The following NUDCD3 variants were observed in gnomAD, a reference collection of about 807,000 sequenced individuals.
The protein encoded by NUDCD3 is nudC domain-containing protein 3.
Under a neutral mutation model 39.7 loss-of-function variants are expected in NUDCD3, and 13 were observed. That is an observed-to-expected ratio of 0.33 (90% CI 0.21 to 0.52). The LOEUF is 0.52. Among genes scored for constraint, NUDCD3 ranks in the 20% least tolerant of loss-of-function variants. The pLI is 0.96. For missense variants in NUDCD3, 453 were observed against 458.1 expected, an observed-to-expected ratio of 0.99 and a Z score of 0.10; for synonymous variants, 175 against 172.4, an observed-to-expected ratio of 1.02 and a Z score of -0.12.
At chr7:44,404,614 C>T (rs1451951107) in intron 3 of NUDCD3, 31 bp from the exon 4 acceptor site, 1 of 1,608,904 alleles carries the variant, frequency 6.2e-7, no homozygotes, top group African/African-American at 1.3e-5. Context: ...AATCATCTCT[C>T]CTATCAGGGT....
At chr7:44,426,300 G>C (rs983937724) in intron 3 of NUDCD3, 4 of 270,544 alleles carry the variant, frequency 1.5e-5, no homozygotes, top group African/African-American at 6.9e-5. Context: ...GAGAATGGTT[G>C]GTATCAGTGC....
intron 2 of NUDCD3, among the ~76,000 whole-genome samples, chr7:44,457,851 G>A (rs900465615): frequency 6.6e-6 from 1 of 152,200 alleles, no homozygotes; most frequent in African/African-American, 2.4e-5. Flanking sequence ...TTTTGGCAAG[G>A]ATGTGAAGGA....
At chr7:44,435,484 A>G (rs1799447471) in intron 2 of NUDCD3, among the ~76,000 whole-genome samples, 1 of 152,248 alleles carries the variant, frequency 6.6e-6, no homozygotes. Flanking sequence ...TGAAAAATCC[A>G]TGAGTTCATA....
chr7:44,388,975 C>T (rs1344393927), intron 5 of NUDCD3, among the ~76,000 whole-genome samples: 1 of 152,246 alleles, frequency 6.6e-6, no homozygotes, highest in Non-Finnish European at 1.5e-5. Context: ...GCCCAGTCTA[C>T]GGGCTCCCCC....
At chr7:44,394,021 C>A (rs1798572166) in intron 4 of NUDCD3, among the ~76,000 whole-genome samples, 1 of 152,232 alleles carries the variant, frequency 6.6e-6, no homozygotes, top group South Asian at 2.1e-4. Context: ...AAAGAAGGTA[C>A]TCAGCACCAG....
rs539329316 is a variant in NUDCD3, at chr7:44,380,921, G to A, written c.*5090C>T. 1 of 152,420 alleles carries A rather than the reference G, an allele frequency of 6.6e-6. No homozygotes were observed. The highest frequency in any genetic ancestry group is 2.4e-5 in the African/African-American group (1 of 41,590). The allele number at this position is 152,420 out of a possible 1,614,324, so 9.4% of individuals were successfully genotyped here. ...GTCTTGCACAAAGTGCACACTGGGA[G>A]GCAAGAGCCTGTCTCTGCAGTAAGA... On this transcript the variant is annotated 3_prime_UTR_variant, in exon 6 of 6. Transcript: ENST00000355451.
intron 2 of NUDCD3, chr7:44,467,831 A>T: frequency 1.0e-6 from 1 of 970,188 alleles, no homozygotes; most frequent in Non-Finnish European, 1.4e-6. Flanking sequence ...AAAAAAAAAA[A>T]GAAAAGAAAA....
chr7:44,431,593 AT>A (rs1389172319), intron 2 of NUDCD3, among the ~76,000 whole-genome samples: 1 of 151,358 alleles, frequency 6.6e-6, no homozygotes, highest in Admixed American at 6.6e-5. Flanking sequence ...CCTGAGACTC[AT>A]GGTCAGGAAA....
At chr7:44,476,319 G>T (rs1449602571) in intron 2 of NUDCD3, among the ~76,000 whole-genome samples, 2 of 152,188 alleles carry the variant, frequency 1.3e-5, no homozygotes, top group East Asian at 3.8e-4. Flanking sequence ...TAGAAGGAAT[G>T]TTTGTGTCCC....
At chr7:44,462,653 T>C (rs1432286030) in intron 2 of NUDCD3, among the ~76,000 whole-genome samples, 1 of 152,202 alleles carries the variant, frequency 6.6e-6, no homozygotes, top group Non-Finnish European at 1.5e-5. Flanking sequence ...GCGTTAGGTG[T>C]CCTTGGGGCA....
intron 1 of NUDCD3, among the ~76,000 whole-genome samples, chr7:44,488,866 G>A (rs984499386): frequency 6.6e-6 from 1 of 152,130 alleles, no homozygotes; most frequent in African/African-American, 2.4e-5. Flanking sequence ...TGAGTGCTCT[G>A]TCAGTTCATC....
At chr7:44,415,046 C>G (rs1798995112) in intron 3 of NUDCD3, among the ~76,000 whole-genome samples, 1 of 152,176 alleles carries the variant, frequency 6.6e-6, no homozygotes, top group African/African-American at 2.4e-5. Flanking sequence ...ACTTGTCACT[C>G]AATAACATCC....
chr7:44,483,257 C>T (rs1481401402), intron 2 of NUDCD3, among the ~76,000 whole-genome samples: 2 of 152,054 alleles, frequency 1.3e-5, no homozygotes, highest in African/African-American at 4.8e-5. Context: ...CTACTCACTT[C>T]TCATCAGAGA....
intron 2 of NUDCD3, among the ~76,000 whole-genome samples, chr7:44,443,719 C>T (rs1018837708): frequency 5.3e-5 from 8 of 152,154 alleles, no homozygotes; most frequent in Non-Finnish European, 1.2e-4. Context: ...GGCCCAATTT[C>T]ACAGGACTTC....
chr7:44,421,079 A>G (rs1277426015), intron 3 of NUDCD3, among the ~76,000 whole-genome samples: 1 of 152,218 alleles, frequency 6.6e-6, no homozygotes, highest in African/African-American at 2.4e-5. Flanking sequence ...CACACCTGTA[A>G]TCCCAGAGCT....
chr7:44,421,291 G>T (rs575443739), intron 3 of NUDCD3, among the ~76,000 whole-genome samples: 1 of 143,684 alleles, frequency 7.0e-6, no homozygotes, highest in African/African-American at 2.6e-5. Flanking sequence ...CCAAGATTGC[G>T]CCACTGACTC....
chr7:44,391,163 AAAAC>A (rs1025409445), intron 5 of NUDCD3, among the ~76,000 whole-genome samples: 14 of 152,188 alleles, frequency 9.2e-5, no homozygotes, highest in African/African-American at 3.4e-4. Context: ...AACAAAAACA[AAAAC>A]AAAAAACAAA....
intron 5 of NUDCD3, among the ~76,000 whole-genome samples, chr7:44,387,233 T>C (rs1391616555): frequency 1.3e-5 from 2 of 152,172 alleles, no homozygotes; most frequent in African/African-American, 4.8e-5. Context: ...TGGTCATAGC[T>C]CAGTGCAGCT....
chr7:44,441,791 T>G (rs1799590257), intron 2 of NUDCD3, among the ~76,000 whole-genome samples: 4 of 152,158 alleles, frequency 2.6e-5, no homozygotes, highest in African/African-American at 9.7e-5. Flanking sequence ...AGTGATTAAG[T>G]GGCTCTCAGA....
Sources: gnomAD v4.1 joint callset for allele counts (sites outside exome capture counted in the v4.1 genomes callset) on GRCh38, gnomAD v4.1.1 for gene constraint, MANE v1.5 for transcripts, NCBI Gene and HGNC (gene_info 2026-07-23, HGNC 2026-07-21) for gene names.